Variants in TNIK observed in about 807,000 individuals in gnomAD.
TNIK encodes TRAF2 and NCK-interacting protein kinase.
A neutral mutation model predicts 191.3 loss-of-function variants in TNIK; 49 were observed. The ratio of observed to expected loss-of-function variants is 0.26; its 90% confidence interval spans 0.20 to 0.32. TNIK has a LOEUF of 0.32. Among genes scored for constraint, TNIK ranks in the 10% least tolerant of loss-of-function variants. TNIK has a pLI of 1.00. For synonymous variants in TNIK, 594 were observed against 600.9 expected (o/e 0.99, Z 0.17); for missense variants, 1,155 against 1,702.3 (o/e 0.68, Z 5.66).
rs1718468896 is a variant in TNIK, at chr3:171,066,573, T to C, written c.3859+3A>G. On this transcript the variant is annotated splice_donor_region_variant and intron_variant, in intron 31 of 32. Transcript: ENST00000436636. ...TGAAGGAGATAAGGAATGGTTAACCTACCCACAGACGTGGGCATTTCTCCC... is the reference window on the plus strand; with the variant it reads ...TGAAGGAGATAAGGAATGGTTAACCCACCCACAGACGTGGGCATTTCTCCC... 1 of 1,612,826 alleles carries C rather than the reference T, an allele frequency of 6.2e-7. No homozygotes were observed. Among genetic ancestry groups the C allele is most frequent in the Admixed American group, 1.7e-5 (1 of 59,910 alleles).
intron 4 of TNIK, among the ~76,000 whole-genome samples, chr3:171,195,759 C>T (rs1310071688): frequency 6.6e-6 from 1 of 152,072 alleles, no homozygotes; most frequent in Non-Finnish European, 1.5e-5. Context: ...GGAAACCTTC[C>T]CACCTTCTCC....
At chr3:171,272,065 A>ACC (rs1321610001) in intron 2 of TNIK, among the ~76,000 whole-genome samples, 3 of 152,200 alleles carry the variant, frequency 2.0e-5, no homozygotes, top group Non-Finnish European at 4.4e-5. Context: ...GATTATAGCC[A>ACC]CCACCCGGAG....
chr3:171,150,964 GTACTA>G (rs1386231777), intron 12 of TNIK, among the ~76,000 whole-genome samples: 1 of 152,160 alleles, frequency 6.6e-6, no homozygotes, highest in Non-Finnish European at 1.5e-5. Flanking sequence ...AAAATTAACA[GTACTA>G]TACTTTGAAA....
At chr3:171,314,461 C>A (rs1754379105) in intron 2 of TNIK, among the ~76,000 whole-genome samples, 1 of 152,164 alleles carries the variant, frequency 6.6e-6, no homozygotes, top group South Asian at 2.1e-4. Flanking sequence ...TTGATGTTGC[C>A]ATCCCATTTC....
At chr3:171,166,843 T>C (rs1432044936) in intron 10 of TNIK, among the ~76,000 whole-genome samples, 1 of 152,228 alleles carries the variant, frequency 6.6e-6, no homozygotes, top group Non-Finnish European at 1.5e-5. Flanking sequence ...CTTCATAGTA[T>C]CATTCAACAT....
rs201897939 is a variant in TNIK, at chr3:171,190,797, T to C, written c.418-10A>G. ...GCAGGTGACTCAGCCCCTGGAGTGA[T>C]GGAGAGTTAAGAAGGGTTAATAGGA... is the stretch of plus-strand genomic sequence containing the variant. On this transcript the variant is annotated splice_polypyrimidine_tract_variant and intron_variant, in intron 5 of 32. Transcript: ENST00000436636. 616 of 1,578,088 alleles carry C rather than the reference T, an allele frequency of 3.9e-4. 2 individuals are homozygous for C. The highest frequency in any genetic ancestry group is 1.6e-3 in the South Asian group (139 of 86,104).
rs751023109 is a variant in TNIK, at chr3:171,125,975, G to A, written c.1950C>T (p.Pro650=). 1 of 1,613,992 alleles carries A rather than the reference G, an allele frequency of 6.2e-7. No homozygotes were observed. The highest frequency in any genetic ancestry group is 8.5e-7 in the Non-Finnish European group (1 of 1,179,896). ...SDPTSENPPL[P]TRIEKFDRSS... ...TTCGGTCAAACTTTTCAATGCGAGTGGGGAGAGGAGGATTTTCCGAGGTGG... is the reference window on the plus strand; with the variant it reads ...TTCGGTCAAACTTTTCAATGCGAGTAGGGAGAGGAGGATTTTCCGAGGTGG... The change falls in exon 17 of 33, where the codon CCC becomes CCT. Residue 650 remains proline, a synonymous_variant. Coordinates refer to ENST00000436636, the MANE Select transcript of TNIK (RefSeq NM_015028.4).
chr3:171,199,205 TA>T (rs529123625), intron 4 of TNIK, among the ~76,000 whole-genome samples: 283 of 141,012 alleles, frequency 2.0e-3, no homozygotes, highest in Admixed American at 2.3e-3. Context: ...TAATGGGATT[TA>T]AAAAAAAAAA....
chr3:171,312,194 A>T (rs569406125), intron 2 of TNIK, among the ~76,000 whole-genome samples: 1 of 151,104 alleles, frequency 6.6e-6, no homozygotes, highest in Admixed American at 6.6e-5. Flanking sequence ...TGAATATATA[A>T]TAAGTTTAAA....
intron 9 of TNIK, among the ~76,000 whole-genome samples, chr3:171,170,736 C>T (rs952598281): frequency 6.6e-6 from 1 of 152,178 alleles, no homozygotes; most frequent in Non-Finnish European, 1.5e-5. Context: ...CAGCATCCGC[C>T]TTTAGGACTT....
chr3:171,404,083 G>GA (rs1447911394), intron 1 of TNIK, among the ~76,000 whole-genome samples: 7 of 152,204 alleles, frequency 4.6e-5, no homozygotes, highest in African/African-American at 1.4e-4. Flanking sequence ...TTGTTTTCTA[G>GA]AAAAAATAGT....
intron 32 of TNIK, among the ~76,000 whole-genome samples, chr3:171,065,055 G>A (rs1347070073): frequency 6.6e-6 from 1 of 152,170 alleles, no homozygotes; most frequent in Admixed American, 6.5e-5. Flanking sequence ...TGTAAACCTT[G>A]GGTTGCAGAC....
intron 2 of TNIK, among the ~76,000 whole-genome samples, chr3:171,234,225 A>G (rs971396727): frequency 6.6e-6 from 1 of 152,148 alleles, no homozygotes; most frequent in South Asian, 2.1e-4. Flanking sequence ...AAAGACTCCA[A>G]AGATCCTTAT....
At chr3:171,210,241 C>T (rs1483332018) in intron 4 of TNIK, among the ~76,000 whole-genome samples, 1 of 152,118 alleles carries the variant, frequency 6.6e-6, no homozygotes, top group Non-Finnish European at 1.5e-5. Flanking sequence ...ACATAGGAGG[C>T]CATTGTAAAG....
Position 171,138,199 on chromosome 3 carries a change from C to A in TNIK, c.1600G>T (p.Ala534Ser), listed in dbSNP as rs958419308. Reference sequence around the variant, plus strand: ...TACCCTTGCTTACTTACCTCCTTGGCCCATGCTGGCTTCTCACTAGGACTC... The same window carrying A: ...TACCCTTGCTTACTTACCTCCTTGGACCATGCTGGCTTCTCACTAGGACTC... ...GMSPSEKPAW[A>S]KEVEERSRLN... The change falls in exon 15 of 33, where the codon GCC (alanine) becomes TCC (serine). Residue 534 changes from alanine to serine, a missense_variant. By Grantham distance (99) the Ala-to-Ser change is moderately conservative. Around this residue, in one of 3 missense-constraint regions of TNIK, gnomAD observed 735 missense variants for 848.0 expected, o/e 0.87. Transcript: ENST00000436636. The A allele has an allele frequency of 6.3e-7, 1 of 1,598,804 alleles. No homozygotes were observed. The highest frequency in any genetic ancestry group is 1.3e-5 in the African/African-American group (1 of 74,322).
Position 171,081,580 on chromosome 3 carries a change from G to A in TNIK, c.3313+671C>T, listed in dbSNP as rs138165337. ...TAGATGGAATGAGAGGGGAAGTGAC[G>A]GGTGTTACTCGTTAAACTCCTTCAA... On this transcript the variant is annotated intron_variant, in intron 27 of 32. Coordinates refer to ENST00000436636, the MANE Select transcript of TNIK (RefSeq NM_015028.4). Among the ~76,000 whole-genome samples the A allele has an allele frequency of 6.9e-3, 1,017 of 148,078 alleles. 6 individuals are homozygous for A. Among genetic ancestry groups the A allele is most frequent in the Non-Finnish European group, 0.011 (753 of 67,220 alleles).
At chr3:171,444,574 T>TAAAAAAAAAAAAAA (rs776537688) in intron 1 of TNIK, among the ~76,000 whole-genome samples, 2 of 90,842 alleles carry the variant, frequency 2.2e-5, no homozygotes, top group Non-Finnish European at 4.9e-5. Context: ...ATAAACTTGC[T>TAAAAAAAAAAAAAA]AAAAAAAAAA....
intron 1 of TNIK, among the ~76,000 whole-genome samples, chr3:171,408,769 C>G (rs555217610): frequency 5.3e-5 from 8 of 152,308 alleles, no homozygotes; most frequent in African/African-American, 9.6e-5. Context: ...TCTGGCTGAA[C>G]CCCAGTGGTA....
chr3:171,318,648 C>T (rs1369930672), intron 2 of TNIK, among the ~76,000 whole-genome samples: 1 of 152,098 alleles, frequency 6.6e-6, no homozygotes, highest in Non-Finnish European at 1.5e-5. Flanking sequence ...CATGGTCTAT[C>T]GATTTTATCC....
Sources: gnomAD v4.1 joint callset for allele counts (sites outside exome capture counted in the v4.1 genomes callset) on GRCh38, gnomAD v4.1.1 for gene constraint, gnomAD v4.1.1 regional missense constraint, MANE v1.5 for transcripts, NCBI Gene and HGNC (gene_info 2026-07-23, HGNC 2026-07-21) for gene names.